The following TYR variants were observed in gnomAD, a reference collection of about 807,000 sequenced individuals.
TYR encodes LB24-AB.
TYR carries 58 observed loss-of-function variants against 51.5 expected under a neutral mutation model. The observed-to-expected ratio is 1.13, with a 90% confidence interval of 0.91 to 1.40. The LOEUF (loss-of-function observed/expected upper bound fraction) is 1.40, where lower values mean the gene tolerates loss of function less well. TYR is among the 40% of genes most tolerant of loss of function. The pLI is 0.00. For synonymous variants in TYR, 263 were observed against 235.2 expected, an observed-to-expected ratio of 1.12 and a Z score of -1.08; for missense variants, 732 against 647.4, an observed-to-expected ratio of 1.13 and a Z score of -1.42.
At chr11:89,258,593 T>C (rs1452192532) in intron 3 of TYR, among the ~76,000 whole-genome samples, 2 of 152,116 alleles carry the variant, frequency 1.3e-5, no homozygotes, top group Admixed American at 6.6e-5. Context: ...TCATAGAATA[T>C]ATGAGAAAAA....
chr11:89,231,773 C>T (rs1944053790), intron 3 of TYR, among the ~76,000 whole-genome samples: 1 of 141,556 alleles, frequency 7.1e-6, no homozygotes, highest in South Asian at 2.3e-4. Context: ...TGCCTGAGCT[C>T]AGGAGTTCGA....
intron 3 of TYR, among the ~76,000 whole-genome samples, chr11:89,235,798 A>G (rs146649590): frequency 6.6e-6 from 1 of 152,106 alleles, no homozygotes; most frequent in African/African-American, 2.4e-5. Flanking sequence ...ATAATGATAT[A>G]TTGTATCTTT....
intron 3 of TYR, among the ~76,000 whole-genome samples, chr11:89,255,337 T>C (rs766917946): frequency 6.6e-6 from 1 of 151,690 alleles, no homozygotes; most frequent in Non-Finnish European, 1.5e-5. Flanking sequence ...CCATTTGTTC[T>C]AGGGTATAGT....
chr11:89,226,823 AT>A (rs754354135), intron 2 of TYR, among the ~76,000 whole-genome samples: 7 of 152,050 alleles, frequency 4.6e-5, no homozygotes, highest in Non-Finnish European at 1.0e-4. Context: ...TAATTCTGAA[AT>A]TTAATAATAT....
chr11:89,243,444 C>T (rs1295569174), intron 3 of TYR, among the ~76,000 whole-genome samples: 3 of 152,132 alleles, frequency 2.0e-5, no homozygotes, highest in African/African-American at 7.2e-5. Flanking sequence ...TCCCCAAGGT[C>T]CTTACTCCAG....
intron 1 of TYR, among the ~76,000 whole-genome samples, chr11:89,185,213 A>G (rs183059445): frequency 6.6e-6 from 1 of 152,162 alleles, no homozygotes; most frequent in Non-Finnish European, 1.5e-5. Flanking sequence ...AGATAAAATC[A>G]TAAAAATCCA....
intron 2 of TYR, among the ~76,000 whole-genome samples, chr11:89,217,993 C>T (rs1943854709): frequency 6.6e-6 from 1 of 152,186 alleles, no homozygotes; most frequent in East Asian, 1.9e-4. Context: ...AGTGAAGAAT[C>T]ATCGACCTCT....
rs771958187 is a variant in TYR at position 89,262,847 on chromosome 11, CAAAA to C, written c.1185-21904_1185-21901del. ...TAAGTAAAGATACAAGCTACTCATC[CAAAA>C]AAAAAAAAAAAAAAAAAAAAACAAC... On this transcript the variant is annotated intron_variant, in intron 3 of 4. Transcript: ENST00000263321. Among the ~76,000 whole-genome samples the C allele has an allele frequency of 2.6e-4, 5 of 19,296 alleles. No individual in the cohort carries two copies. In the East Asian group the frequency reaches 7.6e-3, roughly 29 times the overall value. The allele number at this position is 19,296 out of a possible 152,430, so 12.7% of individuals were successfully genotyped here. A position where few individuals can be genotyped will look rare whatever the true frequency, so the allele number is the denominator to read the frequency against.
chr11:89,246,825 C>T (rs1296588559), intron 3 of TYR, among the ~76,000 whole-genome samples: 1 of 152,048 alleles, frequency 6.6e-6, no homozygotes, highest in East Asian at 1.9e-4. Flanking sequence ...GTCCCTGGGG[C>T]TTCAGGAATG....
chr11:89,284,940 A>G lies in TYR; in HGVS notation c.1352A>G (p.Tyr451Cys), dbSNP rs376823382. The G allele has an allele frequency of 1.2e-4, 194 of 1,611,284 alleles. 1 individual carries two copies. The highest frequency in any genetic ancestry group is 6.6e-4 in the Middle Eastern group (4 of 6,040). The change falls in exon 4 of 5, where the codon TAT (tyrosine) becomes TGT (cysteine). Residue 451 changes from tyrosine to cysteine, a missense_variant. Physicochemically the swap from Tyr to Cys is radical, Grantham distance 194. Coordinates refer to ENST00000263321, the MANE Select transcript of TYR (RefSeq NM_000372.5). ...SSKDLGYDYS[Y>C]LQDSDPDSFQ... Reference sequence around the variant, plus strand: ...AAAGATCTGGGCTATGACTATAGCTATCTACAAGATTCAGGTAAAGTTTAC... The same window carrying G: ...AAAGATCTGGGCTATGACTATAGCTGTCTACAAGATTCAGGTAAAGTTTAC...
In TYR at chr11:89,235,981, T is replaced by A. The variant is rs192071223; in HGVS notation, c.1184+8011T>A. Among the ~76,000 whole-genome samples, 27 of 152,256 alleles carry A rather than the reference T, an allele frequency of 1.8e-4. 1 individual carries two copies. The highest frequency in any genetic ancestry group is 6.5e-4 in the African/African-American group (27 of 41,564). On this transcript the variant is annotated intron_variant, in intron 3 of 4. Coordinates refer to ENST00000263321, the MANE Select transcript of TYR (RefSeq NM_000372.5). ...TATTTGTCAATTAAAAATAAAATTT[T>A]TAAAAGTGTCAATTTGTCTAGATGC...
rs188173931 is a variant in TYR, at chr11:89,239,761, G to T, written c.1184+11791G>T. Among the ~76,000 whole-genome samples, 115 of 152,020 alleles carry T rather than the reference G, an allele frequency of 7.6e-4. 2 individuals carry two copies. Among genetic ancestry groups the T allele is most frequent in the African/African-American group, 2.5e-3 (102 of 41,512 alleles). ...GTGTTTCCATTTTCTCTTCTCTAAAGGTTTTAAATTTCCTTTTTAATGTTT... is the reference window on the plus strand; with the variant it reads ...GTGTTTCCATTTTCTCTTCTCTAAATGTTTTAAATTTCCTTTTTAATGTTT... On this transcript the variant is annotated intron_variant, in intron 3 of 4. Coordinates refer to ENST00000263321, the MANE Select transcript of TYR (RefSeq NM_000372.5).
intron 2 of TYR, among the ~76,000 whole-genome samples, chr11:89,194,486 T>G (rs2135255773): frequency 6.6e-6 from 1 of 151,396 alleles, no homozygotes; most frequent in South Asian, 2.1e-4. Flanking sequence ...ACTGTCTACA[T>G]GGAGACATTT....
At chr11:89,194,464 C>T (rs1003337692) in intron 2 of TYR, among the ~76,000 whole-genome samples, 93 of 152,054 alleles carry the variant, frequency 6.1e-4, no homozygotes, top group Non-Finnish European at 3.8e-4. Context: ...ATTTCTTCCC[C>T]TTGTTTAATA....
rs1410870640 is a variant in TYR, at chr11:89,191,238, C to T, written c.856C>T (p.Gln286Ter). ...CCGATTGGAGGAGTACAACAGCCAT[C>T]AGTCTTTATGCAATGGAACGCCCGA... ...CSRLEEYNSH[Q>*]SLCNGTPEGP... The change falls in exon 2 of 5, where the codon CAG becomes TAG. Residue 286 changes from glutamine (Q) to a stop codon, truncating the protein, a stop_gained. Coordinates refer to ENST00000263321, the MANE Select transcript of TYR (RefSeq NM_000372.5). LOFTEE classifies it high-confidence loss of function. 6.2e-7 allele frequency: 1 copy of T among 1,613,444 alleles called. No individual in the cohort carries two copies. Among genetic ancestry groups the T allele is most frequent in the African/African-American group, 1.3e-5 (1 of 74,856 alleles).
At chr11:89,259,310 T>C (rs1944430614) in intron 3 of TYR, among the ~76,000 whole-genome samples, 1 of 152,130 alleles carries the variant, frequency 6.6e-6, no homozygotes. Flanking sequence ...TTCTACCCTG[T>C]TGTGTAGAAT....
intron 2 of TYR, among the ~76,000 whole-genome samples, chr11:89,197,663 G>C (rs1229159999): frequency 6.6e-6 from 1 of 152,016 alleles, no homozygotes; most frequent in Non-Finnish European, 1.5e-5. Context: ...TCATGGATGA[G>C]AGCTTGATCT....
intron 3 of TYR, among the ~76,000 whole-genome samples, chr11:89,239,565 T>C (rs1354017894): frequency 6.6e-6 from 1 of 152,120 alleles, no homozygotes; most frequent in East Asian, 1.9e-4. Context: ...CTGATGTTTA[T>C]TATTTCCTTC....
intron 3 of TYR, among the ~76,000 whole-genome samples, chr11:89,249,947 G>A (rs1224372068): frequency 1.3e-5 from 2 of 151,942 alleles, no homozygotes; most frequent in Non-Finnish European, 2.9e-5. Flanking sequence ...ACAAGATAGA[G>A]TATAGATGCA....
Sources: allele counts gnomAD v4.1 joint callset (sites outside exome capture counted in the v4.1 genomes callset), GRCh38; gene constraint gnomAD v4.1.1; transcripts MANE v1.5; gene names NCBI Gene and HGNC (gene_info 2026-07-23, HGNC 2026-07-21).